CDH18: variants seen among roughly 807,000 people sequenced by gnomAD.
The protein encoded by CDH18 is cadherin-18.
A neutral mutation model predicts 67.9 loss-of-function variants in CDH18; 31 were observed. The ratio of observed to expected loss-of-function variants is 0.46; its 90% confidence interval spans 0.34 to 0.62. The LOEUF is 0.62. CDH18 is among the 20% of genes least tolerant of loss of function. The pLI is 0.01. For synonymous variants in CDH18, 362 were observed against 347.2 expected, an observed-to-expected ratio of 1.04 and a Z score of -0.48; for missense variants, 890 against 975.5, an observed-to-expected ratio of 0.91 and a Z score of 1.17.
At chr5:20,378,236 C>T (rs772175385) in intron 1 of CDH18, among the ~76,000 whole-genome samples, 2 of 152,084 alleles carry the variant, frequency 1.3e-5, no homozygotes, top group Non-Finnish European at 2.9e-5. Context: ...TGCAGTGGTG[C>T]GCTCGGCTCC....
chr5:19,914,189 T>G (rs1561549641), intron 2 of CDH18, among the ~76,000 whole-genome samples: 1 of 152,106 alleles, frequency 6.6e-6, no homozygotes, highest in Non-Finnish European at 1.5e-5. Flanking sequence ...GATACAAAAT[T>G]TAATAGTGTC....
chr5:20,517,748 G>GA (rs1201387985), intron 1 of CDH18, among the ~76,000 whole-genome samples: 4 of 151,848 alleles, frequency 2.6e-5, no homozygotes, highest in Non-Finnish European at 5.9e-5. Flanking sequence ...AATTTGTTTG[G>GA]AAAAAACACC....
chr5:19,939,858 G>T (rs187740207), intron 2 of CDH18, among the ~76,000 whole-genome samples: 2 of 151,842 alleles, frequency 1.3e-5, no homozygotes, highest in African/African-American at 2.4e-5. Context: ...ATTTAAAGGA[G>T]ACTTTACTTA....
chr5:19,942,202 G>A (rs1198469796), intron 2 of CDH18, among the ~76,000 whole-genome samples: 1 of 152,112 alleles, frequency 6.6e-6, no homozygotes, highest in Admixed American at 6.6e-5. Flanking sequence ...ATATCAGGAG[G>A]ATACAGACAC....
rs145335352 is a variant in CDH18, at chr5:20,268,146, C to T, written c.-579-12641G>A. On this transcript the variant is annotated intron_variant, in intron 1 of 14. Transcript: ENST00000507958. ...ACATGATTTCACTTTTTTATGCCTG[C>T]ATAGTATTCCATTGTGTATACGTAC... Among the ~76,000 whole-genome samples the T allele has an allele frequency of 3.9e-5, 6 of 152,310 alleles. No individual in the cohort carries two copies. The East Asian group carries it at 9.7e-4, about 25-fold the overall frequency.
rs974897869 is a variant in CDH18, at chr5:20,161,787, G to T, written c.-518+93657C>A. ...CAACGGAAATTCTTTGAGGCATGCAGATTTATTCAGGGTTATTTGTATTTG... is the reference window on the plus strand; with the variant it reads ...CAACGGAAATTCTTTGAGGCATGCATATTTATTCAGGGTTATTTGTATTTG... On this transcript the variant is annotated intron_variant, in intron 2 of 14. Coordinates refer to the CDH18 transcript ENST00000507958. 7.2e-5 allele frequency among the ~76,000 whole-genome samples: 11 copies of T among 152,168 alleles called. 1 individual carries two copies. Among genetic ancestry groups the T allele is most frequent in the African/African-American group, 2.7e-4 (11 of 41,454 alleles).
chr5:20,213,208 C>CT (rs1383541977), intron 2 of CDH18, among the ~76,000 whole-genome samples: 3 of 151,956 alleles, frequency 2.0e-5, no homozygotes, highest in Non-Finnish European at 4.4e-5. Context: ...ATAGGGAGGC[C>CT]TAAAGAGAGA....
chr5:20,561,257 T>G (rs1581202624), intron 1 of CDH18, among the ~76,000 whole-genome samples: 1 of 152,220 alleles, frequency 6.6e-6, no homozygotes, highest in East Asian at 1.9e-4. Flanking sequence ...TCTTTGGTAC[T>G]TACCCAAATA....
chr5:19,951,705 G>A (rs1795809066), intron 2 of CDH18, among the ~76,000 whole-genome samples: 1 of 152,122 alleles, frequency 6.6e-6, no homozygotes. Flanking sequence ...CTTTACCTAA[G>A]AGTACACATT....
intron 5 of CDH18, among the ~76,000 whole-genome samples, chr5:19,623,254 C>A (rs1451214825): frequency 2.0e-5 from 3 of 152,102 alleles, no homozygotes; most frequent in Non-Finnish European, 4.4e-5. Flanking sequence ...GCTGTTTAGT[C>A]AACACATAGA....
chr5:20,566,345 A>AT (rs36010557), intron 1 of CDH18, among the ~76,000 whole-genome samples: 2 of 141,470 alleles, frequency 1.4e-5, no homozygotes, highest in Admixed American at 7.1e-5. Context: ...GATTCTCTTG[A>AT]TTTTTTTTCT....
At chr5:20,553,754 C>T (rs1192281119) in intron 1 of CDH18, among the ~76,000 whole-genome samples, 2 of 152,078 alleles carry the variant, frequency 1.3e-5, no homozygotes, top group Non-Finnish European at 2.9e-5. Context: ...ATTCTTCACC[C>T]ACACTTGAAA....
At chr5:20,104,583 C>T (rs955576881) in intron 2 of CDH18, among the ~76,000 whole-genome samples, 4 of 152,080 alleles carry the variant, frequency 2.6e-5, no homozygotes, top group Non-Finnish European at 5.9e-5. Flanking sequence ...AGGTCCCATG[C>T]GATCTATGTC....
At chr5:20,241,860 A>AT (rs1421964771) in intron 2 of CDH18, among the ~76,000 whole-genome samples, 1 of 73,606 alleles carries the variant, frequency 1.4e-5, no homozygotes, top group African/African-American at 6.8e-5. Flanking sequence ...GCAAAAAAAA[A>AT]AAAAATAAAA....
At chr5:20,215,469 T>TAAAC (rs70954643) in intron 2 of CDH18, among the ~76,000 whole-genome samples, 3 of 133,110 alleles carry the variant, frequency 2.3e-5, no homozygotes, top group Non-Finnish European at 4.7e-5. Flanking sequence ...AATAAATAAA[T>TAAAC]AAACAAACCA....
At chr5:19,477,180 A>T (rs2126531274) in intron 12 of CDH18, among the ~76,000 whole-genome samples, 1 of 150,242 alleles carries the variant, frequency 6.7e-6, no homozygotes, top group African/African-American at 2.4e-5. Flanking sequence ...AATCTGAGAC[A>T]TTTTTGAGTG....
At chr5:19,842,390 G>C (rs1782429263) in intron 2 of CDH18, among the ~76,000 whole-genome samples, 2 of 152,146 alleles carry the variant, frequency 1.3e-5, no homozygotes, top group African/African-American at 4.8e-5. Context: ...TAGTGAGTAA[G>C]TTATCACAAG....
chr5:19,991,827 C>T (rs1403350361), upstream of CDH18: 1 of 134,676 alleles, frequency 7.4e-6, no homozygotes, highest in Non-Finnish European at 1.6e-5. Context: ...CACAGTGAAA[C>T]CCCATCTCTA....
chr5:19,949,030 C>T (rs1204860618), intron 2 of CDH18, among the ~76,000 whole-genome samples: 2 of 152,220 alleles, frequency 1.3e-5, no homozygotes, highest in East Asian at 3.9e-4. Context: ...AAAGCTTCAC[C>T]TGCTTTGTAA....
Sources: gnomAD v4.1 joint callset for allele counts (sites outside exome capture counted in the v4.1 genomes callset) on GRCh38, gnomAD v4.1.1 for gene constraint, MANE v1.5 for transcripts, NCBI Gene and HGNC (gene_info 2026-07-23, HGNC 2026-07-21) for gene names.